Variants in FRMD5 observed in about 807,000 individuals in gnomAD.
The protein encoded by FRMD5 is FERM domain containing 5, also known as FERM domain-containing protein 5.
In FRMD5, 20 loss-of-function variants were observed where a neutral mutation model predicts 69.0. The ratio of observed to expected loss-of-function variants is 0.29; its 90% CI spans 0.20 to 0.42. The LOEUF is 0.42. Ranked by LOEUF, FRMD5 falls within the 10% of genes least tolerant of loss-of-function variation. FRMD5 has a pLI of 1.00. For missense variants in FRMD5, 595 were observed against 708.6 expected (o/e 0.84, Z 1.82); for synonymous variants, 271 against 260.1 (o/e 1.04, Z -0.40).
At chr15:44,063,587 G>A (rs970232846) in intron 1 of FRMD5, 4 of 524,726 alleles carry the variant, frequency 7.6e-6, no homozygotes, top group Non-Finnish European at 1.5e-5. Flanking sequence ...TTTAACTCTG[G>A]CAAAGTGGAT....
intron 1 of FRMD5, among the ~76,000 whole-genome samples, chr15:43,937,456 G>T (rs2089780199): frequency 6.6e-6 from 1 of 151,924 alleles, no homozygotes; most frequent in Non-Finnish European, 1.5e-5. Flanking sequence ...TGGCTAACAT[G>T]GCAAAACCCT....
chr15:44,140,696 T>C (rs2114415), intron 1 of FRMD5, among the ~76,000 whole-genome samples: 124,233 of 151,562 alleles, frequency 0.82, 53,441 homozygotes, highest in Non-Finnish European at 0.94. Flanking sequence ...CTGGGCAACA[T>C]GGCAAAACCC....
chr15:44,008,555 C>T (rs111615957), intron 1 of FRMD5, among the ~76,000 whole-genome samples: 2,903 of 151,966 alleles, frequency 0.019, 93 homozygotes, highest in African/African-American at 0.066. Flanking sequence ...CATGAACCAC[C>T]GCGCCCGGCC....
intron 1 of FRMD5, among the ~76,000 whole-genome samples, chr15:44,075,304 G>A (rs1187546569): frequency 1.3e-5 from 2 of 152,054 alleles, no homozygotes; most frequent in African/African-American, 4.8e-5. Context: ...ATCTCAACTG[G>A]AAATTCTAAA....
chr15:43,937,575 T>C (rs1295609596), intron 1 of FRMD5, among the ~76,000 whole-genome samples: 1 of 150,834 alleles, frequency 6.6e-6, no homozygotes, highest in Non-Finnish European at 1.5e-5. Context: ...GAGGCTGAGG[T>C]TGCAGTGAGC....
intron 1 of FRMD5, among the ~76,000 whole-genome samples, chr15:43,953,063 T>C (rs1292550847): frequency 6.6e-6 from 1 of 152,200 alleles, no homozygotes; most frequent in East Asian, 1.9e-4. Context: ...GAATGACTTT[T>C]TCTCTACTGG....
At chr15:44,078,888 C>T (rs1893882566) in intron 1 of FRMD5, among the ~76,000 whole-genome samples, 1 of 151,988 alleles carries the variant, frequency 6.6e-6, no homozygotes, top group East Asian at 1.9e-4. Context: ...TTTCTTAGAC[C>T]ACCAAAGCAA....
intron 1 of FRMD5, among the ~76,000 whole-genome samples, chr15:44,118,040 C>T (rs1447429834): frequency 8.9e-6 from 1 of 111,796 alleles, no homozygotes. Context: ...CAGGGAGAAA[C>T]ATTTCAAAGA....
intron 1 of FRMD5, among the ~76,000 whole-genome samples, chr15:44,171,548 A>AT (rs1181207329): frequency 2.6e-5 from 4 of 151,552 alleles, no homozygotes; most frequent in Non-Finnish European, 4.4e-5. Context: ...TTTAGAAATT[A>AT]TTTTTTTTTC....
chr15:44,012,276 G>A (rs1289668350), intron 1 of FRMD5, among the ~76,000 whole-genome samples: 2 of 152,210 alleles, frequency 1.3e-5, no homozygotes, highest in African/African-American at 4.8e-5. Context: ...CTGAATAAAT[G>A]ACACTTCCAA....
At position 43,873,913 on chromosome 15, in the gene FRMD5, G is replaced by T; in HGVS notation, c.1685C>A (p.Ser562Ter). Reference protein sequence around the residue: ...LRRWFACKIRSVVSLLIDT With the variant: ...LRRWFACKIR ...GGTGTCAATGAGCAGGCTCACCACT[G>T]AGCGGATTTTGCAGGCAAACCATCG... is the stretch of plus-strand genomic sequence containing the variant. Residue 562 changes from serine (S) to a stop codon, truncating the protein, a stop_gained, in exon 14 of 14, where the codon TCA becomes TAA. Coordinates refer to ENST00000417257, the MANE Select transcript of FRMD5 (RefSeq NM_032892.5). LOFTEE classifies it high-confidence loss of function. The T allele has an allele frequency of 6.2e-7, 1 of 1,614,126 alleles. No homozygotes were observed. The highest frequency in any genetic ancestry group is 1.1e-5 in the South Asian group (1 of 91,074).
chr15:44,103,859 C>G (rs1299106861), intron 1 of FRMD5, among the ~76,000 whole-genome samples: 1 of 152,162 alleles, frequency 6.6e-6, no homozygotes, highest in Non-Finnish European at 1.5e-5. Flanking sequence ...TTCTTATTGC[C>G]TAGTGGTGTC....
chr15:44,138,701 A>G (rs1566966263), intron 1 of FRMD5, among the ~76,000 whole-genome samples: 1 of 152,240 alleles, frequency 6.6e-6, no homozygotes, highest in Non-Finnish European at 1.5e-5. Context: ...GTTGGTGGTC[A>G]CAGAAACTGA....
intron 1 of FRMD5, among the ~76,000 whole-genome samples, chr15:44,067,593 G>A (rs959822029): frequency 2.0e-5 from 3 of 152,176 alleles, no homozygotes; most frequent in Admixed American, 1.3e-4. Context: ...CATCCTCAGA[G>A]GGTGGAGGGC....
chr15:43,972,734 A>C (rs2090400873), intron 1 of FRMD5, among the ~76,000 whole-genome samples: 1 of 152,168 alleles, frequency 6.6e-6, no homozygotes, highest in Admixed American at 6.5e-5. Context: ...ACCACCTCAT[A>C]CAGGTAGTCC....
chr15:43,897,170 T>C (rs1318903412), intron 7 of FRMD5, among the ~76,000 whole-genome samples: 1 of 152,056 alleles, frequency 6.6e-6, no homozygotes, highest in African/African-American at 2.4e-5. Flanking sequence ...ACAGCCATCA[T>C]TGATCCTTCT....
rs1194183682 is a variant in FRMD5 at position 43,908,291 on chromosome 15, G to T, written c.427+1591C>A. On this transcript the variant is annotated intron_variant, in intron 5 of 13. Coordinates refer to ENST00000417257, the MANE Select transcript of FRMD5 (RefSeq NM_032892.5). ...TGCAGTGAGCCGAGATCACACCACTGCACTCTGGCCTAGGGGACAGAGCCA... is the reference window on the plus strand; with the variant it reads ...TGCAGTGAGCCGAGATCACACCACTTCACTCTGGCCTAGGGGACAGAGCCA... Among the ~76,000 whole-genome samples the T allele has an allele frequency of 2.1e-5, 3 of 144,734 alleles. No homozygotes were observed. In the Admixed American group the frequency reaches 2.1e-4, roughly 10 times the overall value. 95.0% of individuals were successfully genotyped at this position (144,734 alleles called of 152,430 possible). A position where few individuals can be genotyped will look rare whatever the true frequency, so the allele number is the denominator to read the frequency against.
At chr15:44,027,934 G>A (rs965420330) in intron 1 of FRMD5, among the ~76,000 whole-genome samples, 3 of 151,792 alleles carry the variant, frequency 2.0e-5, no homozygotes, top group South Asian at 2.1e-4. Context: ...ATGAGCCACC[G>A]CGCCCGGCCC....
At chr15:43,915,287 T>C (rs932347750) in intron 4 of FRMD5, among the ~76,000 whole-genome samples, 3 of 152,260 alleles carry the variant, frequency 2.0e-5, no homozygotes, top group African/African-American at 7.2e-5. Context: ...AATTGAGTAG[T>C]TGCGACAGAG....
Sources: gnomAD v4.1 joint callset for allele counts (sites outside exome capture counted in the v4.1 genomes callset) on GRCh38, gnomAD v4.1.1 for gene constraint, MANE v1.5 for transcripts, NCBI Gene and HGNC (gene_info 2026-07-23, HGNC 2026-07-21) for gene names.